ERBB3: variants seen among roughly 807,000 people sequenced by gnomAD.
The protein encoded by ERBB3 is erb-b2 receptor tyrosine kinase 3.
In ERBB3, 96 loss-of-function variants were observed where a neutral mutation model predicts 156.7. The ratio of observed to expected loss-of-function variants is 0.61; its 90% CI spans 0.52 to 0.73. The LOEUF (loss-of-function observed/expected upper bound fraction) is 0.73, where lower values mean the gene tolerates loss of function less well. Ranked by LOEUF, ERBB3 falls within the 30% of genes least tolerant of loss-of-function variation. The pLI is 0.00. For synonymous variants in ERBB3, 567 were observed against 632.0 expected (o/e 0.90, Z 1.54); for missense variants, 1,406 against 1,709.4 (o/e 0.82, Z 3.13).
intron 21 of ERBB3, 117 bp downstream of exon 21, chr12:56,098,057 G>T (rs916556772): frequency 2.1e-6 from 2 of 973,056 alleles, no homozygotes; most frequent in African/African-American, 1.6e-5. Context: ...AGGAGAGAAG[G>T]CTGCAGATGC....
At chr12:56,087,556 G>A in intron 4 of ERBB3, 21 bp from the exon 5 acceptor site, 1 of 1,611,004 alleles carries the variant, frequency 6.2e-7, no homozygotes, top group Non-Finnish European at 8.5e-7. Flanking sequence ...GGCCCCTTGT[G>A]TTGCCTTCCT....
chr12:56,087,485 G>T, intron 4 of ERBB3, 92 bp from the exon 5 acceptor site: 1 of 1,082,764 alleles, frequency 9.2e-7, no homozygotes, highest in South Asian at 1.2e-5. Flanking sequence ...TCCCGGGATT[G>T]AGGTGCCTGT....
chr12:56,096,891 T>C, intron 19 of ERBB3, 45 bp downstream of exon 19: 1 of 1,483,988 alleles, frequency 6.7e-7, no homozygotes, highest in South Asian at 1.1e-5. Flanking sequence ...GAGGACAATA[T>C]TAGATACAAT....
intron 11 of ERBB3, 67 bp from the exon 12 acceptor site, chr12:56,093,278 A>G: frequency 6.9e-7 from 1 of 1,458,200 alleles, no homozygotes; most frequent in Non-Finnish European, 9.6e-7. Flanking sequence ...CTTGACTAAC[A>G]TGAATCCTTT....
rs756341535 is a variant in ERBB3, at chr12:56,101,488, T to C, written c.3503-41T>C. The C allele has an allele frequency of 1.9e-6, 3 of 1,609,174 alleles. No homozygotes were observed. The South Asian group carries it at 3.3e-5, about 18-fold the overall frequency. On this transcript the variant is annotated intron_variant, in intron 27 of 27. Coordinates refer to ENST00000267101, the MANE Select transcript of ERBB3 (RefSeq NM_001982.4). ...TTTTTCAAACTTTCCCCTACCCTCATGAAGTTCTTCACATACCTAGCCTTT... is the reference window on the plus strand; with the variant it reads ...TTTTTCAAACTTTCCCCTACCCTCACGAAGTTCTTCACATACCTAGCCTTT...
At chr12:56,094,234 C>A (rs2136812439) in intron 14 of ERBB3, 45 bp downstream of exon 14, 1 of 1,529,500 alleles carries the variant, frequency 6.5e-7, no homozygotes, top group Non-Finnish European at 9.1e-7. Flanking sequence ...AGAGAAGGGG[C>A]AATACTTGGA....
rs1565858524 is a variant in ERBB3 at position 56,091,297 on chromosome 12, A to ATATATAT, written c.1110-1450_1110-1449insTATATAT. Among the ~76,000 whole-genome samples, 241 of 53,376 alleles carry ATATATAT rather than the reference A, an allele frequency of 4.5e-3. 3 individuals are homozygous for ATATATAT. Among genetic ancestry groups the ATATATAT allele is most frequent in the Middle Eastern group, 8.6e-3 (1 of 116 alleles). The allele number at this position is 53,376 out of a possible 152,430, so 35.0% of individuals were successfully genotyped here. On this transcript the variant is annotated intron_variant, in intron 9 of 27. Coordinates refer to ENST00000267101, the MANE Select transcript of ERBB3 (RefSeq NM_001982.4). ...ATATATATATATATATATATATATA[A>ATATATAT]ATAATATATATAAATATAAATATAT...
Position 56,102,174 on chromosome 12 carries a change from C to G in ERBB3, c.*119C>G. 1.1e-6 allele frequency: 1 copy of G among 880,708 alleles called. No homozygotes were observed. The highest frequency in any genetic ancestry group is 1.4e-5 in the South Asian group (1 of 72,430). 54.6% of individuals were successfully genotyped at this position (880,708 alleles called of 1,614,324 possible). On this transcript the variant is annotated 3_prime_UTR_variant, in exon 28 of 28. Transcript: ENST00000267101. ...CCAGCCCCTTTTCCCCAGTCCCAGA[C>G]AATTCCATTCAATCTTTGGAGGCTT...
chr12:56,080,129 G>A, upstream of ERBB3: 1 of 655,858 alleles, frequency 1.5e-6, no homozygotes, highest in Non-Finnish European at 2.8e-6. Context: ...CCCCTCCCCT[G>A]CCATCCCTCC....
chr12:56,087,579 C>A lies in ERBB3; in HGVS notation c.550C>A (p.Pro184Thr), dbSNP rs764505233. The change falls in exon 5 of 28, where the codon CCC becomes ACC. Residue 184 changes from proline (P) to threonine (T), a missense_variant and splice_region_variant. This residue lies in a region of ERBB3 where 979 missense variants were observed against 1,219.6 expected (regional missense o/e 0.80). Transcript: ENST00000267101. ...IVVKDNGRSC[P>T]PCHEVCKGRC... ...GTGTTGCCTTCCTTCCCAACCAGGT[C>A]CCCCCTGTCATGAGGTTTGCAAGGG... is the stretch of plus-strand genomic sequence containing the variant. The A allele has an allele frequency of 6.8e-6, 11 of 1,613,178 alleles. No individual in the cohort carries two copies. The highest frequency in any genetic ancestry group is 1.1e-5 in the South Asian group (1 of 91,064).
chr12:56,089,693 C>T (rs1370335147), intron 9 of ERBB3, among the ~76,000 whole-genome samples: 1 of 151,282 alleles, frequency 6.6e-6, no homozygotes, highest in Non-Finnish European at 1.5e-5. Flanking sequence ...TGCAGTGAAC[C>T]GAGATTACAC....
chr12:56,094,584 G>A (rs768499912), intron 15 of ERBB3, 28 bp downstream of exon 15: 7 of 1,611,970 alleles, frequency 4.3e-6, no homozygotes. Context: ...AAGGAGAGGG[G>A]GTCAGGTGGA....
At chr12:56,085,300 G>C (rs750476308) in intron 3 of ERBB3, 119 bp downstream of exon 3, 3 of 1,586,178 alleles carry the variant, frequency 1.9e-6, no homozygotes, top group Admixed American at 3.5e-5. Flanking sequence ...CTGTCACCTT[G>C]GCCGCTGTCT....
Position 56,096,566 on chromosome 12 carries a change from A to G in ERBB3, c.2119A>G (p.Thr707Ala), listed in dbSNP as rs1277922704. The change falls in exon 18 of 28, where the codon ACA becomes GCA. Residue 707 changes from threonine (T) to alanine (A), a missense_variant. Around this residue, in one of 3 missense-constraint regions of ERBB3, gnomAD observed 979 missense variants for 1,219.6 expected, o/e 0.80. Transcript: ENST00000267101. ...AGTCTTGGCCAGAATCTTCAAAGAG[A>G]CAGAGCTAAGGAAGCTTAAAGTGCT... ...NKVLARIFKE[T>A]ELRKLKVLGS... 4 of 1,614,210 alleles carry G rather than the reference A, an allele frequency of 2.5e-6. No homozygotes were observed. The highest frequency in any genetic ancestry group is 2.5e-6 in the Non-Finnish European group (3 of 1,180,022).
intron 20 of ERBB3, 47 bp downstream of exon 20, chr12:56,097,277 G>A (rs1200416761): frequency 6.3e-7 from 1 of 1,578,738 alleles, no homozygotes; most frequent in Non-Finnish European, 8.7e-7. Context: ...GCTTGTCTGG[G>A]GGCCAGCCAG....
chr12:56,093,844 C>T lies in ERBB3; in HGVS notation c.1561C>T (p.Arg521Ter), dbSNP rs755919824. 6 of 1,612,956 alleles carry T rather than the reference C, an allele frequency of 3.7e-6. No individual in the cohort carries two copies. Among genetic ancestry groups the T allele is most frequent in the African/African-American group, 1.3e-5 (1 of 74,464 alleles). Reference protein sequence around the residue: ...GPGPGQCLSCRNYSRGGVCVT... With the variant: ...GPGPGQCLSC ...AGGCCCTGGTCAGTGCTTGTCCTGT[C>T]GAAATTATAGCCGAGGAGGTGTCTG... The change falls in exon 13 of 28, where the codon CGA becomes TGA. Residue 521 changes from arginine to a stop codon, truncating the protein, a stop_gained. Coordinates refer to ENST00000267101, the MANE Select transcript of ERBB3 (RefSeq NM_001982.4). LOFTEE classifies it high-confidence loss of function.
At chr12:56,083,532 T>C in intron 1 of ERBB3, 3 of 592,764 alleles carry the variant, frequency 5.1e-6, no homozygotes, top group Non-Finnish European at 6.1e-6. Flanking sequence ...TCTTTTCACC[T>C]TCCCATTCAT....
chr12:56,092,389 CAAAAAAAAAAAAAAAAAA>C (rs60865127), intron 9 of ERBB3, among the ~76,000 whole-genome samples: 1 of 42,850 alleles, frequency 2.3e-5, no homozygotes, highest in Non-Finnish European at 3.9e-5. Context: ...GACTCTGTCT[CAAAAAAAAAAAAAAAAAA>C]AAAAAAAAAA....
rs913124149 is a variant in ERBB3, at chr12:56,080,177, C to T, written c.-124C>T. 9.0e-6 allele frequency: 7 copies of T among 780,444 alleles called. No individual in the cohort carries two copies. The highest frequency in any genetic ancestry group is 8.6e-5 in the African/African-American group (5 of 58,470). 48.3% of individuals were successfully genotyped at this position (780,444 alleles called of 1,614,324 possible). A position where few individuals can be genotyped will look rare whatever the true frequency, so the allele number is the denominator to read the frequency against. ...TCCGGCTCCGATTGCAATTTGCAACCTCCGCTGCCGTCGCCGCAGCAGCCA... is the reference window on the plus strand; with the variant it reads ...TCCGGCTCCGATTGCAATTTGCAACTTCCGCTGCCGTCGCCGCAGCAGCCA... On this transcript the variant is annotated 5_prime_UTR_variant, in exon 1 of 28. Coordinates refer to ENST00000267101, the MANE Select transcript of ERBB3 (RefSeq NM_001982.4).
Sources: gnomAD v4.1 joint callset for allele counts (sites outside exome capture counted in the v4.1 genomes callset) on GRCh38, gnomAD v4.1.1 for gene constraint, gnomAD v4.1.1 regional missense constraint, MANE v1.5 for transcripts, NCBI Gene and HGNC (gene_info 2026-07-23, HGNC 2026-07-21) for gene names.